The following HOOK3 variants were observed in gnomAD, a reference collection of about 807,000 sequenced individuals.
HOOK3 encodes the protein protein Hook homolog 3.
In HOOK3, 24 loss-of-function variants were observed where a neutral mutation model predicts 116.3. The observed-to-expected ratio is 0.21, with a 90% CI of 0.15 to 0.29. The LOEUF (loss-of-function observed/expected upper bound fraction) is 0.29. Ranked by LOEUF, HOOK3 falls within the 10% of genes least tolerant of loss-of-function variation. HOOK3 has a pLI of 1.00. For synonymous variants in HOOK3, 275 were observed against 283.0 expected (o/e 0.97, Z 0.28); for missense variants, 632 against 830.2 (o/e 0.76, Z 2.93).
intron 19 of HOOK3, among the ~76,000 whole-genome samples, chr8:43,011,612 G>A (rs1428541640): frequency 2.0e-5 from 3 of 152,064 alleles, no homozygotes; most frequent in Admixed American, 6.6e-5. Context: ...AGTGGCTCAC[G>A]CCTGTAATCC....
At position 42,989,615 on chromosome 8, in the gene HOOK3, A is replaced by G. The variant is rs570373972; in HGVS notation, c.1532+2820A>G. Reference sequence around the variant, plus strand: ...CATTTATGTTACGAACAATCCCATTATACTCTTTAGTTATTTTTAAATGTA... The same window carrying G: ...CATTTATGTTACGAACAATCCCATTGTACTCTTTAGTTATTTTTAAATGTA... On this transcript the variant is annotated intron_variant, in intron 15 of 21. Coordinates refer to ENST00000307602, the MANE Select transcript of HOOK3 (RefSeq NM_032410.4). Among the ~76,000 whole-genome samples the G allele has an allele frequency of 2.0e-5, 3 of 152,290 alleles. No individual in the cohort carries two copies. In the East Asian group the frequency reaches 5.8e-4, roughly 29 times the overall value.
chr8:42,996,841 T>C (rs900989788), intron 15 of HOOK3, among the ~76,000 whole-genome samples: 1 of 152,050 alleles, frequency 6.6e-6, no homozygotes, highest in African/African-American at 2.4e-5. Flanking sequence ...TTGTATTTTA[T>C]TTGTTTACAC....
At position 43,018,356 on chromosome 8, in the gene HOOK3, A is replaced by G; in HGVS notation, c.2017-2A>G. On this transcript the variant is annotated splice_acceptor_variant, in intron 21 of 21. Transcript: ENST00000307602. LOFTEE classifies it high-confidence loss of function. ...ATTCCTTTTTTTGTTTTAATGTTGC[A>G]GGGAATGACCCTGCATAAAAAGGCA... 6.4e-7 allele frequency: 1 copy of G among 1,564,834 alleles called. No individual in the cohort carries two copies. Among genetic ancestry groups the G allele is most frequent in the Non-Finnish European group, 8.6e-7 (1 of 1,159,674 alleles).
chr8:42,905,333 G>C (rs924036161), intron 1 of HOOK3, among the ~76,000 whole-genome samples: 4 of 146,258 alleles, frequency 2.7e-5, no homozygotes, highest in African/African-American at 7.6e-5. Flanking sequence ...TTTGGGGGGG[G>C]GGGTGCCGTG....
intron 10 of HOOK3, among the ~76,000 whole-genome samples, chr8:42,967,424 G>A (rs1404215822): frequency 6.6e-6 from 1 of 152,068 alleles, no homozygotes. Context: ...AGTGAGTGTA[G>A]ACCTGTTATT....
At chr8:42,957,576 C>T (rs1808459124) in intron 7 of HOOK3, among the ~76,000 whole-genome samples, 1 of 151,872 alleles carries the variant, frequency 6.6e-6, no homozygotes, top group Admixed American at 6.6e-5. Context: ...TTGTCATTTT[C>T]TTGGAAAATG....
chr8:43,018,383 CTGAAGATAGA>C lies in HOOK3; in HGVS notation c.2043_2052del (p.Glu682TrpfsTer98). The C allele has an allele frequency of 6.2e-7, 1 of 1,607,254 alleles. No homozygotes were observed. The highest frequency in any genetic ancestry group is 8.5e-7 in the Non-Finnish European group (1 of 1,178,248). On this transcript the variant is annotated frameshift_variant, in exon 22 of 22. Coordinates refer to ENST00000307602, the MANE Select transcript of HOOK3 (RefSeq NM_032410.4). LOFTEE classifies it high-confidence loss of function. ...GGAATGACCCTGCATAAAAAGGCAG[CTGAAGATAGA>C]CTGGCAAGCACAGGCTCAGGGCAGT...
At chr8:42,997,235 A>G (rs1448548635) in intron 15 of HOOK3, among the ~76,000 whole-genome samples, 1 of 152,226 alleles carries the variant, frequency 6.6e-6, no homozygotes, top group Non-Finnish European at 1.5e-5. Context: ...TGCTGAGCAC[A>G]GTCCTTGAGA....
At chr8:42,987,852 C>T (rs374312468) in intron 15 of HOOK3, among the ~76,000 whole-genome samples, 6 of 150,634 alleles carry the variant, frequency 4.0e-5, no homozygotes, top group East Asian at 1.9e-4. Context: ...TTTTGTTTTG[C>T]GCTGTTTTTG....
At chr8:42,899,448 A>G (rs1807138499) in intron 1 of HOOK3, among the ~76,000 whole-genome samples, 1 of 152,228 alleles carries the variant, frequency 6.6e-6, no homozygotes, top group African/African-American at 2.4e-5. Flanking sequence ...ACTTTAAAAG[A>G]CATGTTTCAA....
rs1169680507 is a variant in HOOK3 at position 43,018,506 on chromosome 8, G to C, written c.*8G>C. 4.4e-6 allele frequency: 7 copies of C among 1,602,646 alleles called. 1 individual carries two copies. In the African/African-American group the frequency reaches 9.4e-5, roughly 22 times the overall value. On this transcript the variant is annotated 3_prime_UTR_variant, in exon 22 of 22. Coordinates refer to ENST00000307602, the MANE Select transcript of HOOK3 (RefSeq NM_032410.4). ...CCGGCCACAGCAAGGTAGAGAAGTT[G>C]TGCCGCTCAATCACAGACACCTGCA...
At chr8:42,903,500 G>T (rs1807237907) in intron 1 of HOOK3, among the ~76,000 whole-genome samples, 1 of 150,730 alleles carries the variant, frequency 6.6e-6, no homozygotes. Context: ...GCCCGCCACA[G>T]CGCCCGACTA....
rs1176386294 is a variant in HOOK3 at position 43,022,096 on chromosome 8, A to C, written c.*3598A>C. 1.5e-5 allele frequency: 3 copies of C among 200,592 alleles called. No individual in the cohort carries two copies. Among genetic ancestry groups the C allele is most frequent in the Non-Finnish European group, 3.1e-5 (3 of 97,322 alleles). 12.4% of individuals were successfully genotyped at this position (200,592 alleles called of 1,614,324 possible). A position where few individuals can be genotyped will look rare whatever the true frequency, so the allele number is the denominator to read the frequency against. ...AAAACAGGCTGTTGTAAAAAAAAAA[A>C]AAAAAAAAACTTCTGAATATACTTT... On this transcript the variant is annotated 3_prime_UTR_variant, in exon 22 of 22. Coordinates refer to ENST00000307602, the MANE Select transcript of HOOK3 (RefSeq NM_032410.4).
chr8:42,976,693 C>T (rs1455777659), intron 13 of HOOK3, among the ~76,000 whole-genome samples: 1 of 152,104 alleles, frequency 6.6e-6, no homozygotes, highest in Admixed American at 6.5e-5. Context: ...GTCAGGAGAT[C>T]GAGACCATCC....
chr8:42,942,804 C>G (rs563810581), intron 4 of HOOK3, among the ~76,000 whole-genome samples: 1 of 152,082 alleles, frequency 6.6e-6, no homozygotes, highest in Non-Finnish European at 1.5e-5. Context: ...AGAGACCTGC[C>G]CATTTGTCTG....
intron 6 of HOOK3, 89 bp downstream of exon 6, chr8:42,950,544 TCTC>T (rs1210312557): frequency 1.2e-5 from 9 of 735,848 alleles, no homozygotes; most frequent in South Asian, 8.1e-5. Flanking sequence ...TTTAAGAGAT[TCTC>T]CTCATTTTTA....
chr8:43,012,253 T>C (rs1449808924), intron 19 of HOOK3, among the ~76,000 whole-genome samples: 1 of 152,274 alleles, frequency 6.6e-6, no homozygotes, highest in Non-Finnish European at 1.5e-5. Flanking sequence ...CTGTATGCTA[T>C]AGTTTAGTAC....
chr8:42,969,234 T>TCTTCAATGTA (rs1808685439), intron 11 of HOOK3, among the ~76,000 whole-genome samples: 3 of 152,218 alleles, frequency 2.0e-5, no homozygotes, highest in Non-Finnish European at 4.4e-5. Flanking sequence ...TCAATGTAGT[T>TCTTCAATGTA]AGATATTAGC....
intron 14 of HOOK3, among the ~76,000 whole-genome samples, chr8:42,984,120 C>T (rs1192170315): frequency 6.6e-6 from 1 of 152,138 alleles, no homozygotes; most frequent in Non-Finnish European, 1.5e-5. Context: ...GTAATCCTAG[C>T]ACTTTGGGAG....
Sources: gnomAD v4.1 joint callset for allele counts (sites outside exome capture counted in the v4.1 genomes callset) on GRCh38, gnomAD v4.1.1 for gene constraint, MANE v1.5 for transcripts, NCBI Gene and HGNC (gene_info 2026-07-23, HGNC 2026-07-21) for gene names.